The following CTNNA3 variants were observed in gnomAD, a reference collection of about 807,000 sequenced individuals.
CTNNA3 encodes the protein catenin alpha 3.
In CTNNA3, 76 loss-of-function variants were observed where a neutral mutation model predicts 95.7. The observed-to-expected ratio is 0.79, with a 90% CI of 0.66 to 0.96. The LOEUF (loss-of-function observed/expected upper bound fraction) is 0.96. Among genes scored for constraint, CTNNA3 ranks in the 40% least tolerant of loss-of-function variants. The pLI is 0.00. For missense variants in CTNNA3, 1,191 were observed against 1,089.8 expected, an observed-to-expected ratio of 1.09 and a Z score of -1.31; for synonymous variants, 431 against 374.4, an observed-to-expected ratio of 1.15 and a Z score of -1.74.
chr10:65,942,365 A>G (rs184301764), intron 17 of CTNNA3, among the ~76,000 whole-genome samples: 1 of 152,230 alleles, frequency 6.6e-6, no homozygotes, highest in Non-Finnish European at 1.5e-5. Flanking sequence ...TGTCTCTACT[A>G]AAAATACAAA....
At chr10:67,604,207 C>T (rs142765876) in intron 3 of CTNNA3, among the ~76,000 whole-genome samples, 172 of 152,234 alleles carry the variant, frequency 1.1e-3, no homozygotes, top group African/African-American at 4.0e-3. Context: ...GAACATGTCC[C>T]CATTGTTAAG....
chr10:67,460,546 T>C (rs993377241), intron 5 of CTNNA3, among the ~76,000 whole-genome samples: 8 of 152,190 alleles, frequency 5.3e-5, no homozygotes, highest in African/African-American at 9.6e-5. Context: ...TCAAGACTTA[T>C]AGATTATTAT....
chr10:66,464,774 A>AG (rs1838835763), intron 11 of CTNNA3, among the ~76,000 whole-genome samples: 1 of 151,966 alleles, frequency 6.6e-6, no homozygotes, highest in African/African-American at 2.4e-5. Flanking sequence ...AAATAAAAAA[A>AG]AAAACAAAAA....
chr10:66,718,482 C>T (rs902124183), intron 9 of CTNNA3, among the ~76,000 whole-genome samples: 2 of 151,926 alleles, frequency 1.3e-5, no homozygotes, highest in Admixed American at 6.6e-5. Flanking sequence ...CTATTTTACT[C>T]AAAATTAACA....
intron 13 of CTNNA3, among the ~76,000 whole-genome samples, chr10:66,158,105 T>C (rs1363946875): frequency 2.0e-5 from 3 of 152,170 alleles, no homozygotes; most frequent in African/African-American, 7.2e-5. Context: ...TCTCCCACTC[T>C]GTGGGTTGTC....
rs1839625052 is a variant in CTNNA3 at position 66,483,753 on chromosome 10, A to C, written c.1531+36864T>G. On this transcript the variant is annotated intron_variant, in intron 11 of 17. Coordinates refer to ENST00000433211, the MANE Select transcript of CTNNA3 (RefSeq NM_013266.4). ...AATATGTTAATTTGTCCCTGAAATTACTCTAACACCAATGGCAATTCTCAT... is the reference window on the plus strand; with the variant it reads ...AATATGTTAATTTGTCCCTGAAATTCCTCTAACACCAATGGCAATTCTCAT... 2.0e-5 allele frequency among the ~76,000 whole-genome samples: 3 copies of C among 152,104 alleles called. No homozygotes were observed. The South Asian group carries it at 6.2e-4, about 32-fold the overall frequency.
At chr10:66,094,015 A>G (rs2081302881) in intron 14 of CTNNA3, among the ~76,000 whole-genome samples, 1 of 152,092 alleles carries the variant, frequency 6.6e-6, no homozygotes, top group Non-Finnish European at 1.5e-5. Context: ...AATCCATTAT[A>G]TAGGAAATTA....
chr10:66,503,033 T>C (rs12764890), intron 11 of CTNNA3, among the ~76,000 whole-genome samples: 5,061 of 152,248 alleles, frequency 0.033, 128 homozygotes, highest in South Asian at 0.055. Flanking sequence ...TAGTCTATTA[T>C]TGGGACAGGT....
intron 7 of CTNNA3, among the ~76,000 whole-genome samples, chr10:67,012,530 T>C (rs1852403178): frequency 6.6e-6 from 1 of 152,206 alleles, no homozygotes; most frequent in South Asian, 2.1e-4. Flanking sequence ...TCTCCAAAGC[T>C]TTATTTCAAA....
intron 2 of CTNNA3, among the ~76,000 whole-genome samples, chr10:67,630,629 G>T (rs1839113973): frequency 6.6e-6 from 1 of 152,112 alleles, no homozygotes; most frequent in Non-Finnish European, 1.5e-5. Flanking sequence ...TCCCCAAGGG[G>T]ACAGGTGGGA....
chr10:66,323,393 C>T (rs931266722), intron 12 of CTNNA3, among the ~76,000 whole-genome samples: 1 of 151,852 alleles, frequency 6.6e-6, no homozygotes, highest in African/African-American at 2.4e-5. Context: ...CCTGTAATCC[C>T]AGCACTTTGA....
intron 7 of CTNNA3, among the ~76,000 whole-genome samples, chr10:66,943,757 C>T (rs1848143714): frequency 6.6e-6 from 1 of 152,100 alleles, no homozygotes; most frequent in African/African-American, 2.4e-5. Context: ...CCATAAAGTG[C>T]ATATCGCAAT....
intron 5 of CTNNA3, among the ~76,000 whole-genome samples, chr10:67,400,113 T>G (rs1401455144): frequency 2.0e-5 from 3 of 147,864 alleles, no homozygotes; most frequent in Non-Finnish European, 4.5e-5. Flanking sequence ...ATGTTCCCCT[T>G]CCTATGTCCA....
At chr10:66,480,439 G>T (rs949991612) in intron 11 of CTNNA3, among the ~76,000 whole-genome samples, 5 of 151,866 alleles carry the variant, frequency 3.3e-5, no homozygotes, top group African/African-American at 1.2e-4. Context: ...CTTTTCATTT[G>T]CTCTTTTAAT....
chr10:67,094,477 G>A (rs959589752), intron 7 of CTNNA3, among the ~76,000 whole-genome samples: 3 of 151,686 alleles, frequency 2.0e-5, no homozygotes, highest in East Asian at 1.9e-4. Context: ...GGGGAACAGT[G>A]TATAATTAAA....
intron 15 of CTNNA3, among the ~76,000 whole-genome samples, chr10:65,989,074 G>A (rs961953139): frequency 7.9e-4 from 120 of 152,076 alleles, no homozygotes; most frequent in African/African-American, 2.8e-3. Flanking sequence ...CCGAAGAGCT[G>A]GGACTGCAGG....
rs72641202 is a variant in CTNNA3, at chr10:67,230,833, G to T, written c.580-10963C>A. ...TGTGTGCACACACCGTGCGCGAGCC[G>T]AAGCAGGGTGAGGCATTGCCTCACT... On this transcript the variant is annotated intron_variant, in intron 5 of 17. Transcript: ENST00000433211. 3.9e-4 allele frequency among the ~76,000 whole-genome samples: 59 copies of T among 152,342 alleles called. 1 individual carries two copies. Among genetic ancestry groups the T allele is most frequent in the Middle Eastern group, 6.8e-3 (2 of 294 alleles).
intron 1 of CTNNA3, among the ~76,000 whole-genome samples, chr10:67,684,594 G>C (rs936428538): frequency 2.0e-5 from 3 of 152,142 alleles, no homozygotes; most frequent in Admixed American, 1.3e-4. Flanking sequence ...TGCTGGATAG[G>C]GGCAAAGAAG....
At chr10:67,591,208 G>C (rs1842778472) in intron 3 of CTNNA3, among the ~76,000 whole-genome samples, 1 of 152,060 alleles carries the variant, frequency 6.6e-6, no homozygotes, top group African/African-American at 2.4e-5. Context: ...GGAGTTCTGG[G>C]CCTACCTAGG....
Sources: gnomAD v4.1 joint callset for allele counts (sites outside exome capture counted in the v4.1 genomes callset) on GRCh38, gnomAD v4.1.1 for gene constraint, MANE v1.5 for transcripts, NCBI Gene and HGNC (gene_info 2026-07-23, HGNC 2026-07-21) for gene names.